IL24: variants seen among roughly 807,000 people sequenced by gnomAD.
The protein encoded by IL24 is interleukin-24.
IL24 carries 24 observed loss-of-function variants against 27.6 expected under a neutral mutation model. That is an observed-to-expected ratio of 0.87 (90% CI 0.63 to 1.22). The LOEUF (loss-of-function observed/expected upper bound fraction) is 1.22. Ranked by LOEUF, IL24 falls within the 50% of genes most tolerant of loss-of-function variation. The probability of loss-of-function intolerance (pLI) is 0.00; values close to 1 mark genes in which losing one functional copy is unlikely to be tolerated. For missense variants in IL24, 240 were observed against 237.0 expected (o/e 1.01, Z -0.08); for synonymous variants, 99 against 93.1 (o/e 1.06, Z -0.36).
intron 2 of IL24, among the ~76,000 whole-genome samples, chr1:206,899,116 G>A (rs1032937738): frequency 2.6e-5 from 4 of 152,322 alleles, no homozygotes; most frequent in East Asian, 1.9e-4. Context: ...ATGGCAAGAC[G>A]AGCGGCCTTA....
Position 206,902,090 on chromosome 1 carries a change from G to C in IL24, c.537+18G>C. On this transcript the variant is annotated intron_variant, in intron 6 of 6. Transcript: ENST00000294984. ...TCAAACAGGTAAGGCCAAGAGCTGA[G>C]AGCTTGCCCATCCAGCAGAATAGAC... 6.2e-7 allele frequency: 1 copy of C among 1,613,878 alleles called. No individual in the cohort carries two copies. Among genetic ancestry groups the C allele is most frequent in the Non-Finnish European group, 8.5e-7 (1 of 1,180,004 alleles).
At chr1:206,902,250 G>A (rs1260193242) in intron 6 of IL24, 178 bp downstream of exon 6, 1 of 985,382 alleles carries the variant, frequency 1.0e-6, no homozygotes, top group African/African-American at 1.7e-5. Context: ...CGTAAACTAA[G>A]TGGTCTTTTT....
chr1:206,902,846 A>T, intron 6 of IL24, 130 bp from the exon 7 acceptor site: 1 of 1,560,388 alleles, frequency 6.4e-7, no homozygotes, highest in Non-Finnish European at 8.7e-7. Context: ...AGGTGGGTTC[A>T]TCAGTGGGCT....
At chr1:206,901,428 GT>G in intron 4 of IL24, 65 bp from the exon 5 acceptor site, 1 of 1,532,924 alleles carries the variant, frequency 6.5e-7, no homozygotes, top group Non-Finnish European at 8.8e-7. Context: ...TGGCATGTGG[GT>G]TGTTCCTTCA....
Position 206,903,003 on chromosome 1 carries a change from G to A in IL24, c.565G>A (p.Ala189Thr). 6.2e-7 allele frequency: 1 copy of A among 1,614,196 alleles called. No homozygotes were observed. Among genetic ancestry groups the A allele is most frequent in the African/African-American group, 1.3e-5 (1 of 75,048 alleles). ...GGACGTAGAAGCAGCTCTGACCAAA[G>A]CCCTTGGGGAAGTGGACATTCTTCT... ...QLDVEAALTKALGEVDILLTW... is the reference protein window; with the variant it reads ...QLDVEAALTKTLGEVDILLTW... The change falls in exon 7 of 7, where the codon GCC becomes ACC. Residue 189 changes from alanine to threonine, a missense_variant. Ala to Thr is a moderately conservative substitution (Grantham distance 58). Transcript: ENST00000294984.
intron 2 of IL24, 31 bp from the exon 3 acceptor site, chr1:206,899,289 C>T: frequency 6.2e-7 from 1 of 1,606,548 alleles, no homozygotes; most frequent in Non-Finnish European, 8.5e-7. Flanking sequence ...AGAGGGCCGG[C>T]CTCACAGGCT....
chr1:206,899,297 G>C (rs1678283593), intron 2 of IL24, 23 bp from the exon 3 acceptor site: 1 of 1,609,880 alleles, frequency 6.2e-7, no homozygotes, highest in Admixed American at 1.7e-5. Context: ...GGCCTCACAG[G>C]CTGCCTCCCT....
intron 3 of IL24, 28 bp from the exon 4 acceptor site, chr1:206,900,267 G>A (rs761720660): frequency 3.0e-5 from 48 of 1,611,182 alleles, no homozygotes. Flanking sequence ...CCCTAACCTG[G>A]AGACGTCTTT....
At chr1:206,902,664 T>C in intron 6 of IL24, 2 of 985,412 alleles carry the variant, frequency 2.0e-6, no homozygotes, top group Non-Finnish European at 2.4e-6. Flanking sequence ...ATTTCACCTG[T>C]GCAGTGGATT....
chr1:206,899,962 A>G (rs1023756680), intron 3 of IL24, among the ~76,000 whole-genome samples: 5 of 152,230 alleles, frequency 3.3e-5, no homozygotes, highest in African/African-American at 1.2e-4. Context: ...TTCTTAAAGC[A>G]GATAGGCTTA....
chr1:206,898,362 G>A (rs1678240643), intron 2 of IL24, among the ~76,000 whole-genome samples: 1 of 151,944 alleles, frequency 6.6e-6, no homozygotes, highest in African/African-American at 2.4e-5. Context: ...GTTTCTTTAG[G>A]TGTCAGACCA....
chr1:206,901,950 C>G (rs768654212), intron 5 of IL24, 48 bp from the exon 6 acceptor site: 6 of 1,581,430 alleles, frequency 3.8e-6, no homozygotes, highest in African/African-American at 1.3e-5. Context: ...GAGTTTGCAT[C>G]TGCTCCTATC....
intron 5 of IL24, 47 bp downstream of exon 5, chr1:206,901,699 A>G: frequency 6.5e-7 from 1 of 1,534,908 alleles, no homozygotes; most frequent in Non-Finnish European, 9.0e-7. Flanking sequence ...GTTCAAGTCT[A>G]GGTCTGCTTC....
rs374142851 is a variant in IL24, at chr1:206,897,829, A to C, written c.-4A>C. 26 of 1,612,228 alleles carry C rather than the reference A, an allele frequency of 1.6e-5. No homozygotes were observed. In the African/African-American group the frequency reaches 3.3e-4, roughly 21 times the overall value. On this transcript the variant is annotated 5_prime_UTR_variant, in exon 2 of 7. Coordinates refer to ENST00000294984, the MANE Select transcript of IL24 (RefSeq NM_006850.3). ...GAAGGCCAGGAGGAACACGAGACTG[A>C]GAGATGAATTTTCAACAGAGGCTGC...
Position 206,903,101 on chromosome 1 carries a change from T to C in IL24, c.*42T>C. On this transcript the variant is annotated 3_prime_UTR_variant, in exon 7 of 7. Coordinates refer to ENST00000294984, the MANE Select transcript of IL24 (RefSeq NM_006850.3). ...CTCCCTCCCCCTGGCACTGGTTTGT[T>C]CCCTGTGTCATTTCAAACAGTCTCC... 6.6e-7 allele frequency: 1 copy of C among 1,518,494 alleles called. No homozygotes were observed. The highest frequency in any genetic ancestry group is 9.1e-7 in the Non-Finnish European group (1 of 1,092,902). 94.1% of individuals were successfully genotyped at this position (1,518,494 alleles called of 1,614,324 possible).
intron 4 of IL24, among the ~76,000 whole-genome samples, chr1:206,901,006 G>A (rs1022175684): frequency 6.6e-6 from 1 of 152,154 alleles, no homozygotes; most frequent in Non-Finnish European, 1.5e-5. Flanking sequence ...AGCCCTGAAA[G>A]ATGTGGCACT....
Position 206,902,351 on chromosome 1 carries a change from C to T in IL24, c.537+279C>T, listed in dbSNP as rs1678424545. ...TCCCTGTGTTTTGTAGGTACTTGGG[C>T]TGGGCAACTGAAGTCAGAAGAGAGG... On this transcript the variant is annotated intron_variant, in intron 6 of 6. Coordinates refer to ENST00000294984, the MANE Select transcript of IL24 (RefSeq NM_006850.3). 5 of 985,224 alleles carry T rather than the reference C, an allele frequency of 5.1e-6. No homozygotes were observed. The South Asian group carries it at 2.3e-4, about 46-fold the overall frequency. 61.0% of individuals were successfully genotyped at this position (985,224 alleles called of 1,614,324 possible).
In IL24 at chr1:206,903,107, T is replaced by C; in HGVS notation, c.*48T>C. The C allele has an allele frequency of 6.7e-7, 1 of 1,500,890 alleles. No homozygotes were observed. The highest frequency in any genetic ancestry group is 9.3e-7 in the Non-Finnish European group (1 of 1,077,006). The allele number at this position is 1,500,890 out of a possible 1,614,324, so 93.0% of individuals were successfully genotyped here. On this transcript the variant is annotated 3_prime_UTR_variant, in exon 7 of 7. Coordinates refer to ENST00000294984, the MANE Select transcript of IL24 (RefSeq NM_006850.3). ...CCCCCTGGCACTGGTTTGTTCCCTG[T>C]GTCATTTCAAACAGTCTCCCTTCCT...
intron 2 of IL24, 53 bp downstream of exon 2, chr1:206,897,929 G>C (rs1350811827): frequency 1.6e-6 from 2 of 1,213,016 alleles, no homozygotes; most frequent in Non-Finnish European, 2.4e-6. Context: ...GAGGTGGGCA[G>C]ATCATTTAAG....
Sources: gnomAD v4.1 joint callset for allele counts (sites outside exome capture counted in the v4.1 genomes callset) on GRCh38, gnomAD v4.1.1 for gene constraint, MANE v1.5 for transcripts, NCBI Gene and HGNC (gene_info 2026-07-23, HGNC 2026-07-21) for gene names.